PDE4D: variants seen among roughly 807,000 people sequenced by gnomAD.
The protein encoded by PDE4D is 3',5'-cyclic-AMP phosphodiesterase 4D.
PDE4D carries 24 observed loss-of-function variants against 87.4 expected under a neutral mutation model. That is an observed-to-expected ratio of 0.27 (90% confidence interval 0.20 to 0.39). The LOEUF (loss-of-function observed/expected upper bound fraction) is 0.39, where lower values mean the gene tolerates loss of function less well. Ranked by LOEUF, PDE4D falls within the 10% of genes least tolerant of loss-of-function variation. The pLI is 1.00. For synonymous variants in PDE4D, 384 were observed against 383.2 expected, an observed-to-expected ratio of 1.00 and a Z score of -0.02; for missense variants, 714 against 1,041.0, an observed-to-expected ratio of 0.69 and a Z score of 4.32.
chr5:59,156,765 G>C (rs1195864340), intron 5 of PDE4D, among the ~76,000 whole-genome samples: 1 of 151,762 alleles, frequency 6.6e-6, no homozygotes, highest in Non-Finnish European at 1.5e-5. Context: ...AACATGTTTT[G>C]GTATATACAG....
At chr5:59,219,263 A>G (rs552152828) in intron 1 of PDE4D, among the ~76,000 whole-genome samples, 1 of 152,160 alleles carries the variant, frequency 6.6e-6, no homozygotes, top group Admixed American at 6.5e-5. Context: ...CAAATCACTG[A>G]GTACTTATTG....
intron 1 of PDE4D, among the ~76,000 whole-genome samples, chr5:60,465,028 G>A (rs1199334811): frequency 6.6e-6 from 1 of 151,920 alleles, no homozygotes; most frequent in African/African-American, 2.4e-5. Context: ...AGGATTGTTT[G>A]AACTCAGGAG....
At chr5:59,171,223 T>C (rs1782714739) in intron 5 of PDE4D, among the ~76,000 whole-genome samples, 1 of 152,120 alleles carries the variant, frequency 6.6e-6, no homozygotes, top group Non-Finnish European at 1.5e-5. Flanking sequence ...GTCTCTGCTC[T>C]AATCAACCCC....
chr5:59,586,917 G>T (rs184045523), intron 1 of PDE4D: 4 of 985,114 alleles, frequency 4.1e-6, no homozygotes, highest in South Asian at 4.7e-5. Context: ...TCACTTTAAC[G>T]CAGTGCTACC....
chr5:59,876,940 A>T (rs1748687970), intron 1 of PDE4D, among the ~76,000 whole-genome samples: 1 of 152,194 alleles, frequency 6.6e-6, no homozygotes. Flanking sequence ...ATTGTCCTAC[A>T]CATTAATGGT....
rs151114226 is a variant in PDE4D at position 60,333,181 on chromosome 5, C to T, written c.-89-147494G>A. Among the ~76,000 whole-genome samples the T allele has an allele frequency of 3.4e-3, 517 of 152,278 alleles. 2 individuals are homozygous for T. The highest frequency in any genetic ancestry group is 0.012 in the African/African-American group (479 of 41,560). ...CTCTTCTCCTAGTTCAGGTATGACT[C>T]GCTCCCCTCACTGATTCACTCCAGG... On this transcript the variant is annotated intron_variant, in intron 1 of 16. Transcript: ENST00000502484.
intron 1 of PDE4D, among the ~76,000 whole-genome samples, chr5:59,338,875 A>G (rs1197020324): frequency 6.6e-6 from 1 of 152,236 alleles, no homozygotes; most frequent in African/African-American, 2.4e-5. Flanking sequence ...CATTTTTAGC[A>G]TAATTTAGAG....
chr5:59,561,373 G>A (rs1186991143), intron 1 of PDE4D, among the ~76,000 whole-genome samples: 6 of 152,150 alleles, frequency 3.9e-5, no homozygotes, highest in Non-Finnish European at 5.9e-5. Context: ...GCTCTGATTT[G>A]TAATTTGCTC....
At chr5:60,302,912 C>G (rs1375190914) in intron 1 of PDE4D, among the ~76,000 whole-genome samples, 3 of 152,234 alleles carry the variant, frequency 2.0e-5, no homozygotes, top group Admixed American at 1.3e-4. Flanking sequence ...TCACTCCAAC[C>G]TCCGCCTCTC....
chr5:59,224,122 C>CAAA (rs762239197), intron 1 of PDE4D, among the ~76,000 whole-genome samples: 470 of 21,864 alleles, frequency 0.021, 67 homozygotes, highest in African/African-American at 0.055. Context: ...CCTGTTTCTA[C>CAAA]AAAAAAAAAA....
At chr5:59,079,848 G>GGAGAGGGGAGGAGAGGAGAGGAGAGGAGA (rs1561447222) in intron 5 of PDE4D, among the ~76,000 whole-genome samples, 1 of 97,910 alleles carries the variant, frequency 1.0e-5, no homozygotes, top group African/African-American at 4.2e-5. Context: ...GGGAGAGGAG[G>GGAGAGGGGAGGAGAGGAGAGGAGAGGAGA]GGAGAGGAGA....
intron 1 of PDE4D, among the ~76,000 whole-genome samples, chr5:59,283,525 C>A (rs1004584964): frequency 4.6e-5 from 7 of 152,140 alleles, no homozygotes; most frequent in African/African-American, 1.7e-4. Context: ...AAAACTTCTA[C>A]CATTTGGGTT....
chr5:59,536,764 A>G (rs1815344360), intron 1 of PDE4D, among the ~76,000 whole-genome samples: 1 of 152,128 alleles, frequency 6.6e-6, no homozygotes, highest in Non-Finnish European at 1.5e-5. Context: ...TGTACCTATT[A>G]CACTGAATGG....
At chr5:60,126,243 G>A (rs1286628031) in intron 2 of PDE4D, among the ~76,000 whole-genome samples, 2 of 149,694 alleles carry the variant, frequency 1.3e-5, no homozygotes, top group African/African-American at 4.9e-5. Context: ...CCCAAATCCA[G>A]CTATCTTCAG....
At chr5:59,064,817 C>T (rs1392449126) in intron 5 of PDE4D, among the ~76,000 whole-genome samples, 1 of 151,956 alleles carries the variant, frequency 6.6e-6, no homozygotes, top group Non-Finnish European at 1.5e-5. Flanking sequence ...CCCACCATTC[C>T]AACAAATAGC....
intron 3 of PDE4D, chr5:59,987,044 A>C (rs973968711): frequency 2.0e-5 from 3 of 152,098 alleles, no homozygotes; most frequent in Non-Finnish European, 4.4e-5. Flanking sequence ...CTTATTTTGC[A>C]TTGAATCCTT....
chr5:58,975,483 G>C lies in PDE4D; in HGVS notation c.2013+174C>G, dbSNP rs978475938. ...AGAATATATATATGACTATATGAAT[G>C]TAAGTCATAAGAATGAAAGTTCTTT... On this transcript the variant is annotated intron_variant, in intron 14 of 14. Coordinates refer to ENST00000340635, the MANE Select transcript of PDE4D (RefSeq NM_001104631.2). The surrounding 1 kb of genome is among the most constrained non-coding windows in gnomAD (Gnocchi z 4.2). Among the ~76,000 whole-genome samples, 3 of 152,146 alleles carry C rather than the reference G, an allele frequency of 2.0e-5. No homozygotes were observed. Among genetic ancestry groups the C allele is most frequent in the Non-Finnish European group, 2.9e-5 (2 of 68,016 alleles).
At chr5:59,535,545 A>G (rs575464721) in intron 1 of PDE4D, among the ~76,000 whole-genome samples, 5 of 152,232 alleles carry the variant, frequency 3.3e-5, no homozygotes, top group African/African-American at 4.8e-5. Flanking sequence ...AAGTACATCA[A>G]GCTGATACCT....
chr5:60,157,541 TC>T (rs1338388690), intron 2 of PDE4D, among the ~76,000 whole-genome samples: 3 of 152,166 alleles, frequency 2.0e-5, no homozygotes, highest in African/African-American at 4.8e-5. Context: ...GGAAGACCTC[TC>T]CCTAATGAAA....
Sources: gnomAD v4.1 joint callset for allele counts (sites outside exome capture counted in the v4.1 genomes callset) on GRCh38, gnomAD v4.1.1 for gene constraint, Gnocchi (gnomAD v3.1) non-coding constraint, MANE v1.5 for transcripts, NCBI Gene and HGNC (gene_info 2026-07-23, HGNC 2026-07-21) for gene names.